ZNF654: variants seen among roughly 807,000 people sequenced by gnomAD.
ZNF654 encodes zinc finger protein 654, also known as melanoma-associated antigen.
Under a neutral mutation model 95.3 loss-of-function variants are expected in ZNF654, and 19 were observed. That is an observed-to-expected ratio of 0.20 (90% CI 0.14 to 0.29). The LOEUF (loss-of-function observed/expected upper bound fraction) is 0.29, where lower values mean the gene tolerates loss of function less well. Among genes scored for constraint, ZNF654 ranks in the 10% least tolerant of loss-of-function variants. ZNF654 has a pLI of 1.00. For synonymous variants in ZNF654, 413 were observed against 457.9 expected (o/e 0.90, Z 1.25); for missense variants, 1,046 against 1,341.0 (o/e 0.78, Z 3.44).
chr3:88,096,766 C>T lies in ZNF654; in HGVS notation c.332+10364C>T, dbSNP rs1041134358. Among the ~76,000 whole-genome samples the T allele has an allele frequency of 7.2e-5, 11 of 151,978 alleles. 1 individual carries two copies. The highest frequency in any genetic ancestry group is 2.6e-4 in the Admixed American group (4 of 15,234). On this transcript the variant is annotated intron_variant, in intron 2 of 8. Coordinates refer to ENST00000636215, the MANE Select transcript of ZNF654 (RefSeq NM_001350134.2). Reference sequence around the variant, plus strand: ...ATGGTTCAAAATTCGAAAAGTGTGGCGTATACAATGAGATACCCTTGCCAT... The same window carrying T: ...ATGGTTCAAAATTCGAAAAGTGTGGTGTATACAATGAGATACCCTTGCCAT...
At chr3:88,077,223 T>G (rs1444272714) in intron 1 of ZNF654, among the ~76,000 whole-genome samples, 1 of 152,184 alleles carries the variant, frequency 6.6e-6, no homozygotes, top group Non-Finnish European at 1.5e-5. Flanking sequence ...TTGTTTAGCC[T>G]TCTCAACTCA....
At position 88,140,108 on chromosome 3, in the gene ZNF654, T is replaced by G. The variant is rs1338499194; in HGVS notation, c.2439T>G (p.Asn813Lys). The G allele has an allele frequency of 6.2e-7, 1 of 1,613,884 alleles. No homozygotes were observed. The highest frequency in any genetic ancestry group is 8.5e-7 in the Non-Finnish European group (1 of 1,179,804). Residue 813 changes from asparagine to lysine, a missense_variant, in exon 8 of 9, where the codon AAT becomes AAG. Physicochemically the swap from Asn to Lys is moderately conservative, Grantham distance 94. Transcript: ENST00000636215. ...IDHLNRHSYP[N>K]VYFCLHFNCN... ...ACCTTAATAGACATAGCTATCCAAA[T>G]GTGTATTTTTGTTTGCATTTTAATT...
intron 1 of ZNF654, among the ~76,000 whole-genome samples, chr3:88,062,842 A>G (rs1706964761): frequency 6.6e-6 from 1 of 152,240 alleles, no homozygotes; most frequent in Non-Finnish European, 1.5e-5. Flanking sequence ...GCACACAGAT[A>G]GACTTAAATA....
At chr3:88,082,101 T>C (rs1708106737) in intron 1 of ZNF654, among the ~76,000 whole-genome samples, 4 of 152,028 alleles carry the variant, frequency 2.6e-5, no homozygotes, top group Admixed American at 2.6e-4. Flanking sequence ...GGAGGGTAAT[T>C]GTGACACGTC....
intron 3 of ZNF654, among the ~76,000 whole-genome samples, chr3:88,123,938 G>C (rs1705928653): frequency 6.6e-6 from 1 of 152,132 alleles, no homozygotes; most frequent in South Asian, 2.1e-4. Flanking sequence ...GTTGATCATT[G>C]TTTTAACCCA....
intron 2 of ZNF654, among the ~76,000 whole-genome samples, chr3:88,090,110 C>T (rs1708555492): frequency 6.6e-6 from 1 of 152,014 alleles, no homozygotes; most frequent in Non-Finnish European, 1.5e-5. Context: ...TATGTACATG[C>T]TCTACTTTTT....
chr3:88,108,093 G>C (rs1332243950), intron 2 of ZNF654, among the ~76,000 whole-genome samples: 1 of 151,958 alleles, frequency 6.6e-6, no homozygotes, highest in East Asian at 1.9e-4. Context: ...GGTGCCTGGA[G>C]ATATTACTAG....
intron 2 of ZNF654, among the ~76,000 whole-genome samples, chr3:88,108,888 ATC>A (rs1322092085): frequency 6.6e-6 from 1 of 152,138 alleles, no homozygotes; most frequent in Non-Finnish European, 1.5e-5. Flanking sequence ...CAAATTTCCT[ATC>A]TCTGAAATTG....
intron 1 of ZNF654, among the ~76,000 whole-genome samples, chr3:88,079,292 G>A (rs114470603): frequency 0.016 from 2,435 of 152,154 alleles, 31 homozygotes; most frequent in Non-Finnish European, 0.025. Flanking sequence ...AGCACAAACA[G>A]ATATGCTAAT....
intron 3 of ZNF654, among the ~76,000 whole-genome samples, chr3:88,118,445 G>GCCCC (rs1201785184): frequency 5.9e-5 from 9 of 152,112 alleles, no homozygotes; most frequent in Non-Finnish European, 1.3e-4. Context: ...CCTTTGTGGG[G>GCCCC]CAAGTGTTGA....
chr3:88,130,121 A>G (rs1050711454), intron 6 of ZNF654, among the ~76,000 whole-genome samples: 4 of 152,188 alleles, frequency 2.6e-5, no homozygotes, highest in African/African-American at 9.7e-5. Flanking sequence ...TTGCTAGTAG[A>G]ATATATGAAG....
rs1707083056 is a variant in ZNF654, at chr3:88,140,840, T to C, written c.3171T>C (p.Asp1057=). Residue 1057 remains aspartate, a synonymous_variant, in exon 8 of 9, where the codon GAT becomes GAC. Coordinates refer to ENST00000636215, the MANE Select transcript of ZNF654 (RefSeq NM_001350134.2). ...YVRPLPPSYL[D]ERYLSMPKRR... ...GACCATTGCCTCCCAGTTACCTTGA[T>C]GAACGGTATCTTAGTATGCCAAAAC... The C allele has an allele frequency of 6.8e-6, 11 of 1,613,742 alleles. No homozygotes were observed. Among genetic ancestry groups the C allele is most frequent in the Non-Finnish European group, 9.3e-6 (11 of 1,179,714 alleles).
intron 2 of ZNF654, among the ~76,000 whole-genome samples, chr3:88,097,854 G>A (rs1324559608): frequency 7.2e-5 from 11 of 152,104 alleles, no homozygotes; most frequent in African/African-American, 2.7e-4. Flanking sequence ...GAAATTTATA[G>A]CACTAAATGC....
At chr3:88,132,366 T>G (rs1020187366) in intron 6 of ZNF654, among the ~76,000 whole-genome samples, 21 of 152,184 alleles carry the variant, frequency 1.4e-4, no homozygotes, top group Non-Finnish European at 2.5e-4. Flanking sequence ...GGGAAATGCG[T>G]TTGTACACTG....
chr3:88,065,671 A>T (rs1707156185), intron 1 of ZNF654, among the ~76,000 whole-genome samples: 1 of 152,110 alleles, frequency 6.6e-6, no homozygotes, highest in South Asian at 2.1e-4. Context: ...CAAAGAAAAA[A>T]TAAAGTATAT....
chr3:88,113,061 T>C (rs1705190662), intron 2 of ZNF654, 54 bp from the exon 3 acceptor site: 2 of 1,241,964 alleles, frequency 1.6e-6, no homozygotes, highest in Non-Finnish European at 2.2e-6. Context: ...GATAATCTTT[T>C]AATTGGAGCA....
At chr3:88,098,379 C>A (rs192790756) in intron 2 of ZNF654, among the ~76,000 whole-genome samples, 3 of 152,298 alleles carry the variant, frequency 2.0e-5, no homozygotes, top group Admixed American at 6.5e-5. Flanking sequence ...CAGATGGATT[C>A]ACAGCCAAAT....
At chr3:88,122,123 A>G (rs1232190134) in intron 3 of ZNF654, among the ~76,000 whole-genome samples, 2 of 152,294 alleles carry the variant, frequency 1.3e-5, no homozygotes, top group Middle Eastern at 3.4e-3. Flanking sequence ...ATTATGGATT[A>G]AGGTAGCTAG....
intron 1 of ZNF654, among the ~76,000 whole-genome samples, chr3:88,061,907 G>T (rs1460752972): frequency 6.6e-6 from 1 of 152,186 alleles, no homozygotes; most frequent in Non-Finnish European, 1.5e-5. Flanking sequence ...CAGGCTAGTG[G>T]TGTTTCAAAG....
Sources: gnomAD v4.1 joint callset for allele counts (sites outside exome capture counted in the v4.1 genomes callset) on GRCh38, gnomAD v4.1.1 for gene constraint, MANE v1.5 for transcripts, NCBI Gene and HGNC (gene_info 2026-07-23, HGNC 2026-07-21) for gene names.